The following FRMD6 variants were observed in gnomAD, a reference collection of about 807,000 sequenced individuals.
FRMD6 encodes FERM domain containing 6.
A neutral mutation model predicts 73.2 loss-of-function variants in FRMD6; 37 were observed. That is an observed-to-expected ratio of 0.51 (90% CI 0.39 to 0.66). FRMD6 has a LOEUF of 0.66. Ranked by LOEUF, FRMD6 falls within the 30% of genes least tolerant of loss-of-function variation. The probability of loss-of-function intolerance (pLI) is 0.00; values close to 1 mark genes in which losing one functional copy is unlikely to be tolerated. For missense variants in FRMD6, 714 were observed against 780.5 expected (o/e 0.91, Z 1.02); for synonymous variants, 273 against 282.2 (o/e 0.97, Z 0.33).
chr14:51,696,430 TATA>T (rs1405447778), intron 2 of FRMD6, among the ~76,000 whole-genome samples: 9 of 151,252 alleles, frequency 6.0e-5, no homozygotes, highest in East Asian at 1.9e-4. Flanking sequence ...AGTTATTATT[TATA>T]ATAATAATAT....
At chr14:51,704,956 C>T (rs1296651965) in intron 6 of FRMD6, 21 bp downstream of exon 6, 6 of 1,583,430 alleles carry the variant, frequency 3.8e-6, no homozygotes, top group African/African-American at 1.4e-5. Flanking sequence ...TTTTCAAATT[C>T]GAAAGAGTGT....
At chr14:51,688,053 C>T (rs1294703524) in intron 1 of FRMD6, among the ~76,000 whole-genome samples, 2 of 151,590 alleles carry the variant, frequency 1.3e-5, no homozygotes, top group Non-Finnish European at 2.9e-5. Flanking sequence ...CCAGGTGATT[C>T]TGATGCAGCC....
chr14:51,562,838 C>T (rs112774669), intron 1 of FRMD6, among the ~76,000 whole-genome samples: 28 of 152,274 alleles, frequency 1.8e-4, no homozygotes, highest in African/African-American at 6.3e-4. Flanking sequence ...AACTTAGTGG[C>T]ACAAAATAGA....
chr14:51,532,129 G>T (rs1885618338), intron 1 of FRMD6, among the ~76,000 whole-genome samples: 1 of 152,144 alleles, frequency 6.6e-6, no homozygotes, highest in African/African-American at 2.4e-5. Flanking sequence ...AGTACTTTGG[G>T]AGGCCGAGGT....
chr14:51,409,623 G>C, the FRMD6 span, among the ~76,000 whole-genome samples: 3 of 152,120 alleles, frequency 2.0e-5, no homozygotes, highest in Non-Finnish European at 4.4e-5. Flanking sequence ...TTTTGACACA[G>C]CGTCTCACTC....
chr14:51,542,630 G>A (rs1015750149), intron 1 of FRMD6, among the ~76,000 whole-genome samples: 1 of 151,914 alleles, frequency 6.6e-6, no homozygotes, highest in Non-Finnish European at 1.5e-5. Flanking sequence ...TTTTTCATGA[G>A]TATATACCTA....
the FRMD6 span, among the ~76,000 whole-genome samples, chr14:51,456,823 A>C: frequency 3.9e-5 from 6 of 152,228 alleles, no homozygotes; most frequent in African/African-American, 1.4e-4. Context: ...GAGCCAGAAA[A>C]AGGATGAAAT....
At chr14:51,648,577 C>T (rs1342603815), upstream of FRMD6, among the ~76,000 whole-genome samples, 1 of 152,202 alleles carries the variant, frequency 6.6e-6, no homozygotes, top group Non-Finnish European at 1.5e-5. Context: ...CTCAGGCAAA[C>T]TTCTGTTTAT....
chr14:51,640,324 T>C (rs1422801281), intron 2 of FRMD6, among the ~76,000 whole-genome samples: 1 of 152,234 alleles, frequency 6.6e-6, no homozygotes, highest in Non-Finnish European at 1.5e-5. Flanking sequence ...AGAAATATTT[T>C]AGATCTGGCC....
intron 1 of FRMD6, among the ~76,000 whole-genome samples, chr14:51,505,438 G>A (rs898059027): frequency 3.3e-5 from 5 of 152,070 alleles, no homozygotes; most frequent in Non-Finnish European, 7.4e-5. Flanking sequence ...CTAGAGAAGG[G>A]AAAGGGGCTC....
At chr14:51,715,280 C>A in intron 9 of FRMD6, 45 bp from the exon 10 acceptor site, 1 of 1,412,068 alleles carries the variant, frequency 7.1e-7, no homozygotes, top group Non-Finnish European at 9.4e-7. Flanking sequence ...TTTGGCAAAT[C>A]AGAGATTTTT....
intron 12 of FRMD6, 107 bp downstream of exon 12, chr14:51,722,187 AC>A: frequency 9.2e-7 from 1 of 1,090,690 alleles, no homozygotes; most frequent in Non-Finnish European, 1.3e-6. Flanking sequence ...TAGACCAGAG[AC>A]TGGACTGCAC....
At chr14:51,410,558 C>G in the FRMD6 span, among the ~76,000 whole-genome samples, 5 of 152,112 alleles carry the variant, frequency 3.3e-5, no homozygotes, top group Non-Finnish European at 5.9e-5. Context: ...CTACCTGTCC[C>G]TTAATAAAAA....
At chr14:51,511,357 A>G (rs1596518106) in intron 1 of FRMD6, among the ~76,000 whole-genome samples, 1 of 152,388 alleles carries the variant, frequency 6.6e-6, no homozygotes, top group East Asian at 1.9e-4. Flanking sequence ...AATTCTGATA[A>G]TATGAATAAC....
At chr14:51,694,965 G>A (rs1048803555) in intron 2 of FRMD6, among the ~76,000 whole-genome samples, 13 of 151,930 alleles carry the variant, frequency 8.6e-5, no homozygotes, top group Non-Finnish European at 1.3e-4. Context: ...CTTGATATTT[G>A]TTAAAGAGCT....
chr14:51,671,134 A>G (rs1227892058), intron 1 of FRMD6, among the ~76,000 whole-genome samples: 3 of 152,146 alleles, frequency 2.0e-5, no homozygotes, highest in African/African-American at 2.4e-5. Context: ...TTTGGTATAT[A>G]TTGCTGAATT....
At chr14:51,503,922 C>T (rs750187449) in intron 1 of FRMD6, among the ~76,000 whole-genome samples, 10 of 151,516 alleles carry the variant, frequency 6.6e-5, no homozygotes, top group African/African-American at 1.9e-4. Flanking sequence ...CATTATTGGT[C>T]TATTCAGGGA....
At chr14:51,473,362 G>A in the FRMD6 span, among the ~76,000 whole-genome samples, 26 of 152,138 alleles carry the variant, frequency 1.7e-4, no homozygotes, top group East Asian at 3.8e-4. Flanking sequence ...AAGTAACCGC[G>A]CATGGCCACC....
chr14:51,711,562 T>G lies in FRMD6; in HGVS notation c.746T>G (p.Leu249Arg). ...AGGGAAATTGAAGCATCGCTGACTCTTGGATTGACCATGAGGGGAATACAG... is the reference window on the plus strand; with the variant it reads ...AGGGAAATTGAAGCATCGCTGACTCGTGGATTGACCATGAGGGGAATACAG... ...DKREIEASLT[L>R]GLTMRGIQIF... Residue 249 changes from leucine to arginine, a missense_variant, in exon 8 of 14, where the codon CTT (leucine) becomes CGT (arginine). By Grantham distance (102) the Leu-to-Arg change is moderately radical. Transcript: ENST00000344768. 1 of 1,608,356 alleles carries G rather than the reference T, an allele frequency of 6.2e-7. No homozygotes were observed. Among genetic ancestry groups the G allele is most frequent in the Non-Finnish European group, 8.5e-7 (1 of 1,175,506 alleles).
Sources: allele counts gnomAD v4.1 joint callset (sites outside exome capture counted in the v4.1 genomes callset), GRCh38; gene constraint gnomAD v4.1.1; transcripts MANE v1.5; gene names NCBI Gene and HGNC (gene_info 2026-07-23, HGNC 2026-07-21).